RUFY1: variants seen among roughly 807,000 people sequenced by gnomAD.
RUFY1 encodes RUN and FYVE domain-containing protein 1.
Under a neutral mutation model 94.6 loss-of-function variants are expected in RUFY1, and 54 were observed. That is an observed-to-expected ratio of 0.57 (90% CI 0.46 to 0.72). The LOEUF (loss-of-function observed/expected upper bound fraction) is 0.72, where lower values mean the gene tolerates loss of function less well. Ranked by LOEUF, RUFY1 falls within the 30% of genes least tolerant of loss-of-function variation. RUFY1 has a pLI of 0.00. For missense variants in RUFY1, 883 were observed against 883.9 expected, an observed-to-expected ratio of 1.00 and a Z score of 0.01; for synonymous variants, 396 against 347.3, an observed-to-expected ratio of 1.14 and a Z score of -1.56.
intron 7 of RUFY1, among the ~76,000 whole-genome samples, chr5:179,581,265 C>T (rs140547255): frequency 5.3e-5 from 8 of 152,240 alleles, no homozygotes; most frequent in South Asian, 2.1e-4. Context: ...AACCTTGACT[C>T]TCCATTCCTC....
At chr5:179,555,255 G>A (rs1284867813) in intron 1 of RUFY1, among the ~76,000 whole-genome samples, 1 of 152,196 alleles carries the variant, frequency 6.6e-6, no homozygotes, top group Non-Finnish European at 1.5e-5. Flanking sequence ...AGAGAGGATT[G>A]CTTGAGCCCA....
chr5:179,584,643 C>G (rs1192127398), intron 7 of RUFY1, among the ~76,000 whole-genome samples: 4 of 151,810 alleles, frequency 2.6e-5, no homozygotes, highest in Non-Finnish European at 5.9e-5. Flanking sequence ...ATTAGCTGGG[C>G]CTGGTGGCAA....
intron 9 of RUFY1, among the ~76,000 whole-genome samples, 192 bp from the exon 10 acceptor site, chr5:179,591,433 C>G (rs533645103): frequency 6.6e-6 from 1 of 152,314 alleles, no homozygotes; most frequent in East Asian, 1.9e-4. Flanking sequence ...ATCCGCCCGC[C>G]TCGGCCTCCC....
At chr5:179,565,731 A>G (rs1762786323) in intron 3 of RUFY1, among the ~76,000 whole-genome samples, 2 of 152,224 alleles carry the variant, frequency 1.3e-5, no homozygotes, top group African/African-American at 4.8e-5. Flanking sequence ...AACCGTGATA[A>G]TGATGAGGTG....
Position 179,582,756 on chromosome 5 carries a change from T to C in RUFY1, c.956+1744T>C, listed in dbSNP as rs1340705325. On this transcript the variant is annotated intron_variant, in intron 7 of 17. Transcript: ENST00000319449. ...TACTCGAGAGGCTGAGGCAGAAGAA[T>C]CGCTTGGACCCGGGAGACGGAGGTT... 2.0e-5 allele frequency among the ~76,000 whole-genome samples: 3 copies of C among 152,020 alleles called. No homozygotes were observed. In the East Asian group the frequency reaches 5.8e-4, roughly 30 times the overall value.
intron 1 of RUFY1, chr5:179,555,663 C>G (rs1361223755): frequency 5.6e-6 from 2 of 358,846 alleles, no homozygotes; most frequent in African/African-American, 2.6e-5. Flanking sequence ...GCGTTTTGCT[C>G]GTCACCCAGG....
intron 7 of RUFY1, among the ~76,000 whole-genome samples, chr5:179,583,772 CAG>C (rs1416252367): frequency 7.3e-6 from 1 of 137,038 alleles, no homozygotes; most frequent in African/African-American, 2.7e-5. Flanking sequence ...TTTTTTGAGA[CAG>C]AGTCCTGCTC....
chr5:179,606,032 AGTG>A (rs1767044793), intron 16 of RUFY1, 108 bp downstream of exon 16: 2 of 774,632 alleles, frequency 2.6e-6, no homozygotes, highest in Non-Finnish European at 4.5e-6. Flanking sequence ...TGGTTGAGGC[AGTG>A]GTGATGACGT....
intron 7 of RUFY1, among the ~76,000 whole-genome samples, chr5:179,584,952 A>G (rs942115723): frequency 7.2e-5 from 11 of 151,748 alleles, no homozygotes; most frequent in African/African-American, 2.7e-4. Flanking sequence ...TGGCTAACAC[A>G]GTGAAACCCC....
chr5:179,571,617 CA>C (rs1355694221), intron 5 of RUFY1, among the ~76,000 whole-genome samples: 2 of 152,088 alleles, frequency 1.3e-5, no homozygotes, highest in Non-Finnish European at 1.5e-5. Flanking sequence ...ATACAGGCTA[CA>C]TTTTGCTAGA....
intron 4 of RUFY1, 84 bp from the exon 5 acceptor site, chr5:179,569,218 G>T (rs1323165499): frequency 6.2e-7 from 1 of 1,604,950 alleles, no homozygotes; most frequent in Admixed American, 1.7e-5. Flanking sequence ...CAGGGCACAG[G>T]TGAAAAGGCA....
intron 14 of RUFY1, among the ~76,000 whole-genome samples, chr5:179,601,378 G>A (rs1055217314): frequency 9.2e-5 from 14 of 151,534 alleles, no homozygotes; most frequent in South Asian, 2.1e-4. Flanking sequence ...CATGTTGGCC[G>A]GGTTGGCCTC....
chr5:179,607,705 C>A (rs1475411155), intron 17 of RUFY1, 46 bp downstream of exon 17: 1 of 1,493,420 alleles, frequency 6.7e-7, no homozygotes, highest in East Asian at 2.3e-5. Context: ...GAGTCGTTGC[C>A]CGCTGGATTC....
At chr5:179,609,007 C>G (rs1767416454) in intron 17 of RUFY1, among the ~76,000 whole-genome samples, 2 of 151,166 alleles carry the variant, frequency 1.3e-5, no homozygotes, top group Middle Eastern at 3.4e-3. Context: ...ATCACGAGGT[C>G]AGGAGATCGA....
At chr5:179,566,045 G>A (rs575346565) in intron 3 of RUFY1, among the ~76,000 whole-genome samples, 61 of 151,784 alleles carry the variant, frequency 4.0e-4, no homozygotes, top group African/African-American at 1.4e-3. Context: ...GAGGCTTAAC[G>A]CAGGGTTATC....
In RUFY1 at chr5:179,594,903, T is replaced by C. The variant is rs1240123176; in HGVS notation, c.1451T>C (p.Ile484Thr). 1.9e-5 allele frequency: 30 copies of C among 1,607,044 alleles called. No individual in the cohort carries two copies. The highest frequency in any genetic ancestry group is 2.4e-5 in the Non-Finnish European group (28 of 1,176,060). ...ESSLQQKNEAITSFEGKTNQV... is the reference protein window; with the variant it reads ...ESSLQQKNEATTSFEGKTNQV... ...AGTTTGCAGCAGAAGAATGAAGCCA[T>C]CACATCCTTTGAAGGAAAAACCAAC... is the stretch of plus-strand genomic sequence containing the variant. Residue 484 changes from isoleucine to threonine, a missense_variant, in exon 12 of 18, where the codon ATC becomes ACC. By Grantham distance (89) the Ile-to-Thr change is moderately conservative. Transcript: ENST00000319449.
chr5:179,569,090 G>A, intron 4 of RUFY1: 5 of 984,348 alleles, frequency 5.1e-6, no homozygotes, highest in Non-Finnish European at 4.8e-6. Flanking sequence ...GACAGGAGGA[G>A]AGGCGAGCCC....
Position 179,550,730 on chromosome 5 carries a change from C to A in RUFY1, c.161C>A (p.Thr54Lys), listed in dbSNP as rs1291397932. ...LPGPGDLRSA[T>K]RPRAAEGWSA... ...GGCCCAGGCGACCTGCGGAGCGCAA[C>A]GAGGCCGCGGGCGGCCGAGGGCTGG... The change falls in exon 1 of 18, where the codon ACG becomes AAG. Residue 54 changes from threonine (T) to lysine (K), a missense_variant. Coordinates refer to ENST00000319449, the MANE Select transcript of RUFY1 (RefSeq NM_025158.5). The A allele has an allele frequency of 1.4e-6, 2 of 1,474,868 alleles. No homozygotes were observed. The highest frequency in any genetic ancestry group is 1.8e-6 in the Non-Finnish European group (2 of 1,116,654). 91.4% of individuals were successfully genotyped at this position (1,474,868 alleles called of 1,614,324 possible). A position where few individuals can be genotyped will look rare whatever the true frequency, so the allele number is the denominator to read the frequency against.
At chr5:179,580,241 G>GTGTGTGTGTGTGTATATATATATA (rs149099074) in intron 6 of RUFY1, among the ~76,000 whole-genome samples, 80 of 93,862 alleles carry the variant, frequency 8.5e-4, no homozygotes, top group African/African-American at 2.7e-3. Flanking sequence ...GTGTGTGTGT[G>GTGTGTGTGTGTGTATATATATATA]TATATTTTTT....
Sources: gnomAD v4.1 joint callset for allele counts (sites outside exome capture counted in the v4.1 genomes callset) on GRCh38, gnomAD v4.1.1 for gene constraint, MANE v1.5 for transcripts, NCBI Gene and HGNC (gene_info 2026-07-23, HGNC 2026-07-21) for gene names.